C18orf54: variants seen among roughly 807,000 people sequenced by gnomAD.
C18orf54 encodes the protein lung adenoma susceptibility protein 2.
A neutral mutation model predicts 49.3 loss-of-function variants in C18orf54; 49 were observed. The ratio of observed to expected loss-of-function variants is 0.99; its 90% CI spans 0.79 to 1.26. C18orf54 has a LOEUF of 1.26. Among genes scored for constraint, C18orf54 ranks in the 50% most tolerant of loss-of-function variants. The pLI, the probability that C18orf54 is intolerant of heterozygous loss-of-function variation, is 0.00. For missense variants in C18orf54, 687 were observed against 620.6 expected (o/e 1.11, Z -1.14); for synonymous variants, 211 against 216.6 (o/e 0.97, Z 0.23).
chr18:54,361,974 G>T lies in C18orf54; in HGVS notation c.615G>T (p.Met205Ile). ...GTAGGCTGAAAAACCCAAAACTTAT[G>T]AATAGGACTAATAATTGCATTTCTG... ...QCGRLKNPKL[M>I]NRTNNCISES... Residue 205 changes from methionine to isoleucine, a missense_variant, in exon 4 of 9, where the codon ATG becomes ATT. Coordinates refer to ENST00000620105, the MANE Select transcript of C18orf54 (RefSeq NM_001288980.2). 1 of 1,613,832 alleles carries T rather than the reference G, an allele frequency of 6.2e-7. No individual in the cohort carries two copies. The highest frequency in any genetic ancestry group is 1.3e-5 in the African/African-American group (1 of 75,032).
rs1277666216 is a variant in C18orf54 at position 54,362,793 on chromosome 18, C to T, written c.1095C>T (p.Ile365=). 2 of 1,605,590 alleles carry T rather than the reference C, an allele frequency of 1.2e-6. No homozygotes were observed. The highest frequency in any genetic ancestry group is 2.3e-5 in the South Asian group (2 of 88,384). The change falls in exon 5 of 9, where the codon ATC becomes ATT. Residue 365 remains isoleucine, a synonymous_variant. Coordinates refer to ENST00000620105, the MANE Select transcript of C18orf54 (RefSeq NM_001288980.2). ...PFSGDKIELL[I]LKAKRNLEQC... is the part of the protein sequence containing the mutation. ...TAGGTGACAAAATTGAATTGCTTAT[C>T]TTGAAGGCCAAGAGAAATCTAGAGC... is the stretch of plus-strand genomic sequence containing the variant.
At position 54,378,701 on chromosome 18, in the gene C18orf54, T is replaced by A. The variant is rs2089616544; in HGVS notation, c.*455T>A. ...ATCACTTTTAAACAGCTTAAAGGAATATCAAAATTGTTATTGTGTATCTCA... is the reference window on the plus strand; with the variant it reads ...ATCACTTTTAAACAGCTTAAAGGAAAATCAAAATTGTTATTGTGTATCTCA... On this transcript the variant is annotated 3_prime_UTR_variant, in exon 9 of 9. Transcript: ENST00000620105. The A allele has an allele frequency of 6.6e-6, 1 of 152,394 alleles. No individual in the cohort carries two copies. The highest frequency in any genetic ancestry group is 1.5e-5 in the Non-Finnish European group (1 of 68,152). The allele number at this position is 152,394 out of a possible 1,614,324, so 9.4% of individuals were successfully genotyped here. A position where few individuals can be genotyped will look rare whatever the true frequency, so the allele number is the denominator to read the frequency against.
At chr18:54,376,246 C>CT (rs1420277170) in intron 8 of C18orf54, among the ~76,000 whole-genome samples, 1 of 152,188 alleles carries the variant, frequency 6.6e-6, no homozygotes, top group Non-Finnish European at 1.5e-5. Context: ...AGCTAGTAGT[C>CT]TGGCCTTGTC....
At chr18:54,361,532 T>C in intron 3 of C18orf54, 111 bp from the exon 4 acceptor site, 1 of 896,926 alleles carries the variant, frequency 1.1e-6, no homozygotes, top group Admixed American at 3.1e-5. Context: ...AAAGCTTTAG[T>C]GAGGATAAGG....
intron 8 of C18orf54, 73 bp from the exon 9 acceptor site, chr18:54,378,101 T>TTATG (rs113294624): frequency 1.8e-6 from 2 of 1,137,914 alleles, no homozygotes. Flanking sequence ...CTTTATTTAT[T>TTATG]TTTTTGCTGT....
intron 8 of C18orf54, among the ~76,000 whole-genome samples, chr18:54,376,620 C>T (rs1301252085): frequency 6.6e-6 from 1 of 152,224 alleles, no homozygotes; most frequent in Non-Finnish European, 1.5e-5. Flanking sequence ...GTACTGGCCA[C>T]CACGCCCAGC....
chr18:54,371,137 C>CT (rs1449993685), intron 6 of C18orf54, among the ~76,000 whole-genome samples: 29 of 152,172 alleles, frequency 1.9e-4, no homozygotes, highest in African/African-American at 6.3e-4. Flanking sequence ...TCATTAAACT[C>CT]TAACTCCCTA....
intron 6 of C18orf54, among the ~76,000 whole-genome samples, chr18:54,366,041 G>A (rs375550732): frequency 2.4e-4 from 37 of 151,402 alleles, no homozygotes; most frequent in South Asian, 2.3e-3. Flanking sequence ...TGGGATACAT[G>A]GTGATGGGAT....
chr18:54,364,808 A>G (rs1223798800), intron 5 of C18orf54, among the ~76,000 whole-genome samples: 1 of 152,092 alleles, frequency 6.6e-6, no homozygotes, highest in Non-Finnish European at 1.5e-5. Flanking sequence ...AGAGCTTGTG[A>G]ATTAGAAATC....
At chr18:54,361,564 T>G (rs2089269029) in intron 3 of C18orf54, 79 bp from the exon 4 acceptor site, 1 of 1,293,960 alleles carries the variant, frequency 7.7e-7, no homozygotes, top group Non-Finnish European at 1.0e-6. Flanking sequence ...AAATGCCTCT[T>G]AAATTCTTAA....
rs565235700 is a variant in C18orf54, at chr18:54,364,189, TAAC to T, written c.1223+1269_1223+1271del. The stretch of plus-strand genomic sequence containing the variant: ...TTTGATAATGAGTTCACGTAATGCT[TAAC>T]TTCTCTTATCCTTCTTGTGTCCTAG... On this transcript the variant is annotated intron_variant, in intron 5 of 8. Transcript: ENST00000620105. Among the ~76,000 whole-genome samples, 148 of 152,166 alleles carry T rather than the reference TAAC, an allele frequency of 9.7e-4. 1 individual carries two copies. Among genetic ancestry groups the T allele is most frequent in the African/African-American group, 3.3e-3 (138 of 41,536 alleles).
chr18:54,363,722 C>T (rs1209416259), intron 5 of C18orf54, among the ~76,000 whole-genome samples: 1 of 152,110 alleles, frequency 6.6e-6, no homozygotes, highest in Non-Finnish European at 1.5e-5. Context: ...ATTGCTAACC[C>T]CATATCATGC....
chr18:54,376,210 T>G (rs1339575745), intron 8 of C18orf54, among the ~76,000 whole-genome samples: 1 of 152,236 alleles, frequency 6.6e-6, no homozygotes, highest in Non-Finnish European at 1.5e-5. Flanking sequence ...TTTTAAGATA[T>G]ATTTCATTAG....
At chr18:54,364,577 C>T (rs1187281431) in intron 5 of C18orf54, among the ~76,000 whole-genome samples, 2 of 152,036 alleles carry the variant, frequency 1.3e-5, no homozygotes, top group Non-Finnish European at 2.9e-5. Context: ...AGGAAGTACT[C>T]AAGGTAGTAT....
In C18orf54 at chr18:54,360,812, T is replaced by G. The variant is rs2089253610; in HGVS notation, c.240T>G (p.Thr80=). Residue 80 remains threonine, a synonymous_variant, in exon 3 of 9, where the codon ACT becomes ACG. Coordinates refer to ENST00000620105, the MANE Select transcript of C18orf54 (RefSeq NM_001288980.2). Reference sequence around the variant, plus strand: ...AAATTAACATTGATGAGGATTTTACTAATATGTCACAGTTCTGCAACTATA... The same window carrying G: ...AAATTAACATTGATGAGGATTTTACGAATATGTCACAGTTCTGCAACTATA... ...TGKINIDEDF[T]NMSQFCNYIY... is the part of the protein sequence containing the mutation. 6.2e-7 allele frequency: 1 copy of G among 1,613,180 alleles called. No homozygotes were observed. Among genetic ancestry groups the G allele is most frequent in the East Asian group, 2.2e-5 (1 of 44,878 alleles).
chr18:54,362,353 T>G lies in C18orf54; in HGVS notation c.994T>G (p.Tyr332Asp). Residue 332 changes from tyrosine (Y) to aspartate (D), a missense_variant, in exon 4 of 9, where the codon TAC becomes GAC. Tyr to Asp is a radical substitution (Grantham distance 160, BLOSUM62 -3). Transcript: ENST00000620105. ...TGATGATAAAGAATTAGTTAATGAA[T>G]ACAAATGTGATTTTGAACATAGCCA... ...LSDDKELVNE[Y>D]KCDFEHSQCQ... 1 of 1,535,882 alleles carries G rather than the reference T, an allele frequency of 6.5e-7. No individual in the cohort carries two copies. The highest frequency in any genetic ancestry group is 1.4e-5 in the African/African-American group (1 of 73,168).
At chr18:54,375,765 A>G (rs1329798999) in intron 8 of C18orf54, among the ~76,000 whole-genome samples, 3 of 151,852 alleles carry the variant, frequency 2.0e-5, no homozygotes, top group African/African-American at 7.3e-5. Context: ...ATTTTTAGAG[A>G]GAGTAAGTTT....
intron 7 of C18orf54, among the ~76,000 whole-genome samples, chr18:54,373,629 T>C (rs878908334): frequency 6.6e-6 from 1 of 151,846 alleles, no homozygotes; most frequent in Admixed American, 6.6e-5. Context: ...ATTTCATTTA[T>C]CAATTTCCTT....
intron 8 of C18orf54, among the ~76,000 whole-genome samples, chr18:54,374,618 C>T (rs1218603381): frequency 6.6e-6 from 1 of 151,616 alleles, no homozygotes; most frequent in African/African-American, 2.4e-5. Flanking sequence ...TTCATATATT[C>T]TCTCTAGAAT....
Sources: allele counts gnomAD v4.1 joint callset (sites outside exome capture counted in the v4.1 genomes callset), GRCh38; gene constraint gnomAD v4.1.1; transcripts MANE v1.5; gene names NCBI Gene and HGNC (gene_info 2026-07-23, HGNC 2026-07-21).